STK32B: variants seen among roughly 807,000 people sequenced by gnomAD.
STK32B encodes serine/threonine kinase 32B.
A neutral mutation model predicts 52.6 loss-of-function variants in STK32B; 43 were observed. The observed-to-expected ratio is 0.82, with a 90% CI of 0.64 to 1.05. The LOEUF (loss-of-function observed/expected upper bound fraction) is 1.05. STK32B is among the 50% of genes least tolerant of loss of function. The probability of loss-of-function intolerance (pLI) is 0.00; values close to 1 mark genes in which losing one functional copy is unlikely to be tolerated. For missense variants in STK32B, 621 were observed against 534.6 expected, an observed-to-expected ratio of 1.16 and a Z score of -1.59; for synonymous variants, 238 against 204.3, an observed-to-expected ratio of 1.17 and a Z score of -1.41.
chr4:5,130,200 T>A (rs1315660070), intron 1 of STK32B, among the ~76,000 whole-genome samples: 1 of 148,054 alleles, frequency 6.8e-6, no homozygotes, highest in African/African-American at 2.6e-5. Context: ...TGGGAAGGAG[T>A]CAGCACTGGG....
At chr4:5,159,525 A>G (rs1425306766) in intron 2 of STK32B, among the ~76,000 whole-genome samples, 1 of 122,812 alleles carries the variant, frequency 8.1e-6, no homozygotes, top group African/African-American at 3.2e-5. Flanking sequence ...TGAATATATG[A>G]TATATATGTA....
At chr4:5,276,655 C>T (rs1458274237) in intron 3 of STK32B, among the ~76,000 whole-genome samples, 10 of 151,942 alleles carry the variant, frequency 6.6e-5, no homozygotes, top group African/African-American at 1.2e-4. Flanking sequence ...TTTCATAAGG[C>T]GTCACGTGTT....
chr4:5,296,814 A>G (rs536005430), intron 3 of STK32B, among the ~76,000 whole-genome samples: 54 of 152,322 alleles, frequency 3.5e-4, no homozygotes, highest in Non-Finnish European at 4.6e-4. Flanking sequence ...TTATGATGCT[A>G]GCTGGTTATT....
rs770966237 is a variant in STK32B, at chr4:5,430,688, A to AC, written c.562+13754_562+13755insC. On this transcript the variant is annotated intron_variant, in intron 6 of 11. Transcript: ENST00000282908. ...AAATGGACATGTTTCTTTTACTACT[A>AC]TGCTTTTAGTTTTCTTTGGAGGAGG... is the stretch of plus-strand genomic sequence containing the variant. Among the ~76,000 whole-genome samples the AC allele has an allele frequency of 4.6e-5, 7 of 152,230 alleles. No homozygotes were observed. The South Asian group carries it at 1.5e-3, about 32-fold the overall frequency.
At chr4:5,088,557 G>A (rs1047764788) in intron 1 of STK32B, among the ~76,000 whole-genome samples, 4 of 151,916 alleles carry the variant, frequency 2.6e-5, no homozygotes, top group Non-Finnish European at 4.4e-5. Context: ...CGTACAATAG[G>A]ATGAGTGCAG....
chr4:5,249,122 CT>C (rs1725689787), intron 3 of STK32B, among the ~76,000 whole-genome samples: 1 of 152,070 alleles, frequency 6.6e-6, no homozygotes, highest in Non-Finnish European at 1.5e-5. Context: ...TGTATCAATA[CT>C]TTTGCAGTGT....
intron 3 of STK32B, among the ~76,000 whole-genome samples, chr4:5,281,043 G>A (rs2108870450): frequency 6.6e-6 from 1 of 152,284 alleles, no homozygotes. Flanking sequence ...GAAACTTACA[G>A]TCATAGTGGA....
chr4:5,480,209 C>A (rs754808993), intron 11 of STK32B, among the ~76,000 whole-genome samples: 25 of 152,120 alleles, frequency 1.6e-4, no homozygotes, highest in Non-Finnish European at 3.2e-4. Context: ...TAAATCAACA[C>A]ACACTGTTCA....
chr4:5,317,942 G>A (rs1328331583), intron 3 of STK32B, among the ~76,000 whole-genome samples: 2 of 152,106 alleles, frequency 1.3e-5, no homozygotes, highest in Non-Finnish European at 2.9e-5. Context: ...CCAAATTTCA[G>A]GTTTTGTCCC....
chr4:5,357,043 A>G (rs950426813), intron 4 of STK32B, among the ~76,000 whole-genome samples: 2 of 146,968 alleles, frequency 1.4e-5, no homozygotes, highest in African/African-American at 5.2e-5. Context: ...ACACACACAT[A>G]TATACACACA....
At chr4:5,342,622 A>G (rs1040582956) in intron 4 of STK32B, among the ~76,000 whole-genome samples, 16 of 152,218 alleles carry the variant, frequency 1.1e-4, no homozygotes, top group Non-Finnish European at 1.9e-4. Flanking sequence ...CCAGGATCCA[A>G]TCACCTCCCA....
At chr4:5,068,229 GA>G (rs1286177241) in intron 1 of STK32B, among the ~76,000 whole-genome samples, 5 of 152,262 alleles carry the variant, frequency 3.3e-5, no homozygotes, top group Admixed American at 2.6e-4. Flanking sequence ...ACCAGTCACT[GA>G]GGTAGCATAC....
intron 4 of STK32B, among the ~76,000 whole-genome samples, chr4:5,339,251 C>A (rs1732912404): frequency 6.6e-6 from 1 of 152,148 alleles, no homozygotes; most frequent in African/African-American, 2.4e-5. Context: ...TCTCAGCCTC[C>A]AAAACCACGG....
intron 3 of STK32B, among the ~76,000 whole-genome samples, chr4:5,270,459 G>C (rs1425194082): frequency 6.6e-6 from 1 of 151,964 alleles, no homozygotes; most frequent in Non-Finnish European, 1.5e-5. Context: ...GCCTTTCCCA[G>C]TCCACTGACT....
chr4:5,441,443 G>A (rs1714741762), intron 6 of STK32B, among the ~76,000 whole-genome samples: 1 of 150,464 alleles, frequency 6.6e-6, no homozygotes, highest in African/African-American at 2.4e-5. Context: ...TGTGGGATCA[G>A]TGGTGATATC....
chr4:5,261,253 T>A (rs1469110513), intron 3 of STK32B, among the ~76,000 whole-genome samples: 1 of 152,140 alleles, frequency 6.6e-6, no homozygotes, highest in African/African-American at 2.4e-5. Flanking sequence ...CAACTTATCC[T>A]GAGGCTGCCG....
intron 3 of STK32B, among the ~76,000 whole-genome samples, chr4:5,248,236 G>A (rs1172576093): frequency 6.6e-6 from 1 of 152,148 alleles, no homozygotes; most frequent in African/African-American, 2.4e-5. Flanking sequence ...GAACTCAGAG[G>A]CCTCCAAGAT....
chr4:5,256,692 C>G (rs941082715), intron 3 of STK32B, among the ~76,000 whole-genome samples: 1 of 152,226 alleles, frequency 6.6e-6, no homozygotes, highest in Non-Finnish European at 1.5e-5. Context: ...CCTGTCTGAG[C>G]CTGAGTGACT....
chr4:5,249,497 TCCTTCCTC>T (rs1475391847), intron 3 of STK32B, among the ~76,000 whole-genome samples: 1,395 of 115,842 alleles, frequency 0.012, 35 homozygotes, highest in African/African-American at 0.036. Context: ...CTTCCTTCCT[TCCTTCCTC>T]CCTCCCTTCC....
Sources: gnomAD v4.1 joint callset for allele counts (sites outside exome capture counted in the v4.1 genomes callset) on GRCh38, gnomAD v4.1.1 for gene constraint, MANE v1.5 for transcripts, NCBI Gene and HGNC (gene_info 2026-07-23, HGNC 2026-07-21) for gene names.